Variants in TES observed in about 807,000 individuals in gnomAD.
The protein encoded by TES is testin.
TES carries 41 observed loss-of-function variants against 48.2 expected under a neutral mutation model. The ratio of observed to expected loss-of-function variants is 0.85; its 90% confidence interval spans 0.66 to 1.10. TES has a LOEUF of 1.10. Among genes scored for constraint, TES ranks in the 50% least tolerant of loss-of-function variants. TES has a pLI of 0.00. For missense variants in TES, 463 were observed against 515.1 expected, an observed-to-expected ratio of 0.90 and a Z score of 0.98; for synonymous variants, 162 against 174.9, an observed-to-expected ratio of 0.93 and a Z score of 0.58.
intron 1 of TES, among the ~76,000 whole-genome samples, chr7:116,226,877 A>G (rs918169925): frequency 2.0e-5 from 3 of 152,142 alleles, no homozygotes; most frequent in African/African-American, 7.2e-5. Flanking sequence ...TCTTCTTCTC[A>G]TGTATTTCAG....
Position 116,249,141 on chromosome 7 carries a change from C to A in TES, c.235C>A (p.Leu79Ile). Residue 79 changes from leucine to isoleucine, a missense_variant, in exon 3 of 7, where the codon CTA becomes ATA. By Grantham distance (5) the Leu-to-Ile change is conservative. Transcript: ENST00000358204. ...CAAGTATACCACTCTGATTGCAAAA[C>A]TAAAGTCAGATGGAATTCCCATGTA... ...DTKYTTLIAKLKSDGIPMYKR... is the reference protein window; with the variant it reads ...DTKYTTLIAKIKSDGIPMYKR... 6.2e-7 allele frequency: 1 copy of A among 1,614,058 alleles called. No homozygotes were observed. The highest frequency in any genetic ancestry group is 8.5e-7 in the Non-Finnish European group (1 of 1,179,962).
chr7:116,232,319 C>T (rs1799710388), intron 1 of TES, among the ~76,000 whole-genome samples: 1 of 151,922 alleles, frequency 6.6e-6, no homozygotes, highest in Non-Finnish European at 1.5e-5. Context: ...TGTGCAAGTT[C>T]TTTGTCATGA....
rs201973410 is a variant in TES at position 116,251,945 on chromosome 7, C to T, written c.888C>T (p.Ser296=). ...ACTGTGGCAGACATTACTGTGACAG[C>T]GAGAAACCCCGATGTGCTGGCTGTG... ...KLYCGRHYCD[S]EKPRCAGCDE... The change falls in exon 5 of 7, where the codon AGC becomes AGT. Residue 296 remains serine (S), a synonymous_variant. Transcript: ENST00000358204. The T allele has an allele frequency of 2.5e-6, 4 of 1,614,100 alleles. No homozygotes were observed. The highest frequency in any genetic ancestry group is 2.7e-5 in the African/African-American group (2 of 75,016).
intron 6 of TES, among the ~76,000 whole-genome samples, chr7:116,254,380 G>A (rs143376852): frequency 2.1e-3 from 313 of 152,114 alleles, no homozygotes; most frequent in Middle Eastern, 0.02. Context: ...CAATGGCAGG[G>A]TATAACCACA....
chr7:116,254,764 G>GTA (rs1563016531), intron 6 of TES, among the ~76,000 whole-genome samples: 5 of 132,878 alleles, frequency 3.8e-5, no homozygotes, highest in African/African-American at 1.8e-4. Flanking sequence ...ATATATGTGT[G>GTA]TGTGTGTGTG....
chr7:116,216,775 A>T (rs987135813), intron 1 of TES, among the ~76,000 whole-genome samples: 6 of 152,036 alleles, frequency 3.9e-5, no homozygotes, highest in Middle Eastern at 3.2e-3. Flanking sequence ...AGTTTAATTA[A>T]TTTAAATCTG....
intron 1 of TES, chr7:116,217,913 C>T (rs1171677896): frequency 1.2e-5 from 6 of 510,616 alleles, no homozygotes; most frequent in African/African-American, 3.9e-5. Context: ...GGAATTAGAG[C>T]GATAAGGATA....
intron 2 of TES, 38 bp downstream of exon 2, chr7:116,234,657 T>A (rs1298198105): frequency 6.5e-7 from 1 of 1,548,752 alleles, no homozygotes; most frequent in Admixed American, 1.7e-5. Context: ...TAGTAATTTA[T>A]ACTTTTTGCA....
rs781268772 is a variant in TES, at chr7:116,252,487, T to C, written c.1077+11T>C. The C allele has an allele frequency of 6.2e-7, 1 of 1,614,186 alleles. No homozygotes were observed. The highest frequency in any genetic ancestry group is 8.5e-7 in the Non-Finnish European group (1 of 1,180,028). ...AAGAATCACGCTGTGGTGAGAAGTG[T>C]TCTAAGGATATGGTTGCCTCAGCCT... On this transcript the variant is annotated intron_variant, in intron 6 of 6. Coordinates refer to ENST00000358204, the MANE Select transcript of TES (RefSeq NM_015641.4).
At chr7:116,217,823 A>G (rs963257666) in intron 1 of TES, 1 of 517,762 alleles carries the variant, frequency 1.9e-6, no homozygotes, top group Non-Finnish European at 3.9e-6. Context: ...CTCTCCTACA[A>G]AAGAGCTGCC....
At chr7:116,245,207 T>C (rs905554088) in intron 2 of TES, among the ~76,000 whole-genome samples, 5 of 152,216 alleles carry the variant, frequency 3.3e-5, no homozygotes, top group African/African-American at 7.2e-5. Flanking sequence ...AATAACTTTT[T>C]CTTTTGTATC....
chr7:116,254,758 A>ATGTGTGTG lies in TES; in HGVS notation c.1077+2314_1077+2321dup, dbSNP rs202115399. On this transcript the variant is annotated intron_variant, in intron 6 of 6. Coordinates refer to ENST00000358204, the MANE Select transcript of TES (RefSeq NM_015641.4). ...TCCGTCTCAAAAAAAATATATATAT[A>ATGTGTGTG]TGTGTGTGTGTGTGTGTGTGTGTGT... 3.6e-3 allele frequency among the ~76,000 whole-genome samples: 420 copies of ATGTGTGTG among 116,792 alleles called. 1 individual carries two copies. Among genetic ancestry groups the ATGTGTGTG allele is most frequent in the Middle Eastern group, 4.0e-3 (1 of 252 alleles). 76.6% of individuals were successfully genotyped at this position (116,792 alleles called of 152,430 possible). A position where few individuals can be genotyped will look rare whatever the true frequency, so the allele number is the denominator to read the frequency against.
chr7:116,252,031 C>T, intron 5 of TES, 56 bp downstream of exon 5: 8 of 1,548,348 alleles, frequency 5.2e-6, no homozygotes, highest in Non-Finnish European at 6.2e-6. Context: ...TCATATGGTC[C>T]CTTTACCTAG....
At chr7:116,222,282 T>A (rs1477020081) in intron 1 of TES, among the ~76,000 whole-genome samples, 1 of 152,164 alleles carries the variant, frequency 6.6e-6, no homozygotes, top group Non-Finnish European at 1.5e-5. Flanking sequence ...GAAGACTGTC[T>A]TTTTGCACCC....
At chr7:116,239,210 A>C (rs1189698345) in intron 2 of TES, 1 of 152,184 alleles carries the variant, frequency 6.6e-6, no homozygotes, top group African/African-American at 2.4e-5. Context: ...ACTGCTTAGA[A>C]TCCTTCCTGC....
chr7:116,246,759 A>T (rs974580176), intron 2 of TES, among the ~76,000 whole-genome samples: 2 of 152,146 alleles, frequency 1.3e-5, no homozygotes, highest in African/African-American at 4.8e-5. Flanking sequence ...TCCAGATCTC[A>T]ACCTAAATAT....
chr7:116,217,912 G>A (rs1042180764), intron 1 of TES: 6 of 512,410 alleles, frequency 1.2e-5, no homozygotes, highest in Non-Finnish European at 2.3e-5. Flanking sequence ...GGGAATTAGA[G>A]CGATAAGGAT....
chr7:116,232,300 G>A (rs901733202), intron 1 of TES, among the ~76,000 whole-genome samples: 2 of 152,188 alleles, frequency 1.3e-5, no homozygotes, highest in Admixed American at 1.3e-4. Flanking sequence ...ATGTAAGTTT[G>A]TATGTGTATG....
intron 6 of TES, 91 bp from the exon 7 acceptor site, chr7:116,257,198 TTTTAA>T: frequency 2.2e-6 from 3 of 1,337,326 alleles, no homozygotes; most frequent in Non-Finnish European, 3.0e-6. Flanking sequence ...TCATTATGAG[TTTTAA>T]TTTATCATCT....
Sources: gnomAD v4.1 joint callset for allele counts (sites outside exome capture counted in the v4.1 genomes callset) on GRCh38, gnomAD v4.1.1 for gene constraint, MANE v1.5 for transcripts, NCBI Gene and HGNC (gene_info 2026-07-23, HGNC 2026-07-21) for gene names.